Variants in CUL3 observed in about 807,000 individuals in gnomAD.
CUL3 encodes the protein cullin-3.
A neutral mutation model predicts 89.1 loss-of-function variants in CUL3; 19 were observed. The ratio of observed to expected loss-of-function variants is 0.21; its 90% CI spans 0.15 to 0.31. The LOEUF (loss-of-function observed/expected upper bound fraction) is 0.31. Ranked by LOEUF, CUL3 falls within the 10% of genes least tolerant of loss-of-function variation. The pLI is 1.00. For missense variants in CUL3, 469 were observed against 942.3 expected, an observed-to-expected ratio of 0.50 and a Z score of 6.58; for synonymous variants, 351 against 308.4, an observed-to-expected ratio of 1.14 and a Z score of -1.45.
At chr2:224,568,054 T>A (rs969278161) in intron 1 of CUL3, among the ~76,000 whole-genome samples, 4 of 152,198 alleles carry the variant, frequency 2.6e-5, no homozygotes, top group Admixed American at 2.0e-4. Flanking sequence ...CCATGTCTTT[T>A]TTCCCCCCTG....
At position 224,557,883 on chromosome 2, in the gene CUL3, C is replaced by CAAAAAAA. The variant is rs748754000; in HGVS notation, c.67-34_67-28dup. 500 of 112,450 alleles carry CAAAAAAA rather than the reference C, an allele frequency of 4.4e-3. 106 individuals are homozygous for CAAAAAAA. Among genetic ancestry groups the CAAAAAAA allele is most frequent in the South Asian group, 0.012 (80 of 6,888 alleles). 7.0% of individuals were successfully genotyped at this position (112,450 alleles called of 1,614,324 possible). ...TGTAATATCCAAGAGAGAGAAGAGA[C>CAAAAAAA]AAAAAAAAAAAAAAAAAAAAAACCA... On this transcript the variant is annotated intron_variant, in intron 1 of 15. Transcript: ENST00000264414.
At chr2:224,579,165 T>C (rs1025288357) in intron 1 of CUL3, among the ~76,000 whole-genome samples, 1 of 152,220 alleles carries the variant, frequency 6.6e-6, no homozygotes, top group Non-Finnish European at 1.5e-5. Flanking sequence ...TGCTTTTATT[T>C]TTCTAACTTC....
At chr2:224,550,720 CT>C (rs2106291962) in intron 2 of CUL3, among the ~76,000 whole-genome samples, 1 of 152,238 alleles carries the variant, frequency 6.6e-6, no homozygotes, top group Non-Finnish European at 1.5e-5. Flanking sequence ...CAAAATATAT[CT>C]TGTATTTTAA....
intron 1 of CUL3, among the ~76,000 whole-genome samples, chr2:224,571,287 TTTG>T (rs200830946): frequency 1.3e-5 from 2 of 152,310 alleles, no homozygotes; most frequent in East Asian, 3.9e-4. Context: ...CAAAATAAAA[TTTG>T]TTGTATTTCC....
intron 5 of CUL3, among the ~76,000 whole-genome samples, chr2:224,512,170 A>G (rs2106217662): frequency 6.6e-6 from 1 of 151,056 alleles, no homozygotes; most frequent in Non-Finnish European, 1.5e-5. Context: ...ATCTCAGCTC[A>G]CTGCAAGCTC....
chr2:224,547,403 T>C (rs924793191), intron 2 of CUL3, among the ~76,000 whole-genome samples: 1 of 152,158 alleles, frequency 6.6e-6, no homozygotes, highest in Non-Finnish European at 1.5e-5. Context: ...CAACTTTCTC[T>C]CCTTGTTATC....
intron 2 of CUL3, among the ~76,000 whole-genome samples, chr2:224,549,462 C>A (rs992421039): frequency 2.6e-5 from 4 of 152,036 alleles, no homozygotes; most frequent in Non-Finnish European, 4.4e-5. Context: ...TTTTAAAGTT[C>A]TTTGGGCTAA....
chr2:224,567,604 G>A (rs566790654), intron 1 of CUL3, among the ~76,000 whole-genome samples: 1 of 152,126 alleles, frequency 6.6e-6, no homozygotes, highest in Admixed American at 6.5e-5. Flanking sequence ...GCCGGGTGTG[G>A]TGGTGGGCGC....
chr2:224,497,929 T>G, intron 11 of CUL3, 80 bp from the exon 12 acceptor site: 2 of 1,070,074 alleles, frequency 1.9e-6, no homozygotes, highest in Non-Finnish European at 2.9e-6. Context: ...TAACATCCCT[T>G]AAACATTTGT....
chr2:224,500,294 T>C (rs1428158887), intron 11 of CUL3, 69 bp downstream of exon 11: 5 of 1,538,354 alleles, frequency 3.3e-6, no homozygotes, highest in African/African-American at 1.4e-5. Flanking sequence ...CGGATACTAA[T>C]GTTCAAATTC....
At chr2:224,560,794 T>G (rs1430280838) in intron 1 of CUL3, 1 of 152,254 alleles carries the variant, frequency 6.6e-6, no homozygotes, top group Non-Finnish European at 1.5e-5. Context: ...CTCACAACTC[T>G]CAAATGAGTT....
intron 1 of CUL3, among the ~76,000 whole-genome samples, chr2:224,565,167 TA>T (rs1391050842): frequency 6.6e-6 from 1 of 152,162 alleles, no homozygotes; most frequent in Non-Finnish European, 1.5e-5. Flanking sequence ...ACCAATAACA[TA>T]AACAGTCTAT....
intron 2 of CUL3, among the ~76,000 whole-genome samples, chr2:224,552,773 T>TA (rs1559213992): frequency 6.6e-6 from 1 of 152,202 alleles, no homozygotes; most frequent in Non-Finnish European, 1.5e-5. Flanking sequence ...CACTTTGCTT[T>TA]AAAATAAATA....
intron 2 of CUL3, 36 bp from the exon 3 acceptor site, chr2:224,535,677 C>A (rs1406681244): frequency 8.1e-7 from 1 of 1,234,526 alleles, no homozygotes; most frequent in Admixed American, 1.7e-5. Flanking sequence ...TGCACACACA[C>A]ATCCACACAC....
rs1057174094 is a variant in CUL3, at chr2:224,562,436, G to A, written c.67-4580C>T. Among the ~76,000 whole-genome samples, 4 of 151,964 alleles carry A rather than the reference G, an allele frequency of 2.6e-5. No homozygotes were observed. The East Asian group carries it at 5.8e-4, about 22-fold the overall frequency. On this transcript the variant is annotated intron_variant, in intron 1 of 15. Transcript: ENST00000264414. ...ACAGATCACTTGAGGTTGGGAGTTCGAGACCAGCCTAGCCAACATGGTGAA... is the reference window on the plus strand; with the variant it reads ...ACAGATCACTTGAGGTTGGGAGTTCAAGACCAGCCTAGCCAACATGGTGAA...
intron 13 of CUL3, among the ~76,000 whole-genome samples, chr2:224,494,696 G>A (rs996247570): frequency 3.3e-5 from 5 of 152,138 alleles, no homozygotes; most frequent in East Asian, 1.9e-4. Context: ...AACTGACAGC[G>A]TGAGGGGAAA....
chr2:224,508,942 A>C (rs1692707309), intron 6 of CUL3, among the ~76,000 whole-genome samples: 1 of 135,698 alleles, frequency 7.4e-6, no homozygotes. Flanking sequence ...AGCCTGGGCG[A>C]CAGAGCAAGA....
chr2:224,489,260 C>T (rs1406554765), intron 13 of CUL3, among the ~76,000 whole-genome samples: 1 of 152,176 alleles, frequency 6.6e-6, no homozygotes, highest in Non-Finnish European at 1.5e-5. Context: ...CTGGCCAGGG[C>T]AATCAGGCAA....
At chr2:224,572,320 T>C (rs1695198207) in intron 1 of CUL3, among the ~76,000 whole-genome samples, 1 of 152,120 alleles carries the variant, frequency 6.6e-6, no homozygotes. Context: ...AAAATTCATG[T>C]TGAAATTTAA....
Sources: gnomAD v4.1 joint callset for allele counts (sites outside exome capture counted in the v4.1 genomes callset) on GRCh38, gnomAD v4.1.1 for gene constraint, MANE v1.5 for transcripts, NCBI Gene and HGNC (gene_info 2026-07-23, HGNC 2026-07-21) for gene names.